Variants in FBXO34 observed in about 807,000 individuals in gnomAD.
FBXO34 encodes the protein F-box only protein 34.
FBXO34 carries 12 observed loss-of-function variants against 24.5 expected under a neutral mutation model. The ratio of observed to expected loss-of-function variants is 0.49; its 90% CI spans 0.31 to 0.79. FBXO34 has a LOEUF of 0.79. Among genes scored for constraint, FBXO34 ranks in the 30% least tolerant of loss-of-function variants. The pLI is 0.04. For missense variants in FBXO34, 823 were observed against 857.7 expected (o/e 0.96, Z 0.51); for synonymous variants, 320 against 311.9 (o/e 1.03, Z -0.27).
chr14:55,344,275 A>AT (rs1432451088), intron 1 of FBXO34, among the ~76,000 whole-genome samples: 6 of 151,888 alleles, frequency 4.0e-5, no homozygotes, highest in African/African-American at 1.5e-4. Context: ...AGTGGGCACA[A>AT]TTCTTTATTT....
Position 55,350,888 on chromosome 14 carries a change from G to A in FBXO34, c.498G>A (p.Arg166=), listed in dbSNP as rs182392127. ...AAAAAGCCAAGGTACAGGTGGAAAG[G>A]ATGAGGGAGGTTAACAGCAGGTGCT... The part of the protein sequence containing the change: ...DLKKAKVQVE[R]MREVNSRCYQ... Residue 166 remains arginine (R), a synonymous_variant, in exon 2 of 2, where the codon AGG becomes AGA. Coordinates refer to ENST00000313833, the MANE Select transcript of FBXO34 (RefSeq NM_017943.4). 5.6e-6 allele frequency: 9 copies of A among 1,613,972 alleles called. No homozygotes were observed. In the East Asian group the frequency reaches 1.8e-4, roughly 32 times the overall value.
chr14:55,367,222 T>G (rs1884699187), exon 3 of FBXO34: 2 of 152,182 alleles, frequency 1.3e-5, no homozygotes, highest in South Asian at 4.1e-4. Context: ...CTGAAGTCAG[T>G]CTCCACCACC....
the FBXO34 span, among the ~76,000 whole-genome samples, chr14:55,399,394 T>C: frequency 7.2e-5 from 11 of 152,224 alleles, no homozygotes; most frequent in African/African-American, 2.7e-4. Flanking sequence ...AAAGTTCTAC[T>C]GAATAGCACT....
At chr14:55,359,244 TTTCC>T (rs1340291873) in intron 3 of FBXO34, among the ~76,000 whole-genome samples, 3 of 152,052 alleles carry the variant, frequency 2.0e-5, no homozygotes, top group Non-Finnish European at 2.9e-5. Context: ...CAGTGCAAAA[TTTCC>T]TTCCTTCTCC....
At chr14:55,369,940 T>C (rs1440707824), downstream of FBXO34, 1 of 1,577,990 alleles carries the variant, frequency 6.3e-7, no homozygotes, top group Non-Finnish European at 8.6e-7. Flanking sequence ...GTGCAGACAA[T>C]GAGGGTCTCT....
At chr14:55,414,690 C>G in the FBXO34 span, among the ~76,000 whole-genome samples, 1 of 152,168 alleles carries the variant, frequency 6.6e-6, no homozygotes, top group Non-Finnish European at 1.5e-5. Flanking sequence ...CATCTTTGCT[C>G]ACACAGTGCT....
At chr14:55,312,094 G>A (rs1230168141) in intron 1 of FBXO34, among the ~76,000 whole-genome samples, 5 of 151,302 alleles carry the variant, frequency 3.3e-5, no homozygotes, top group Non-Finnish European at 7.4e-5. Flanking sequence ...CAGCTACTTG[G>A]GAGGCTGAGT....
At chr14:55,302,841 T>C (rs1444681732) in intron 1 of FBXO34, among the ~76,000 whole-genome samples, 1 of 152,166 alleles carries the variant, frequency 6.6e-6, no homozygotes, top group East Asian at 1.9e-4. Context: ...TAAAAACTAA[T>C]GTAAGTAGTT....
the FBXO34 span, among the ~76,000 whole-genome samples, chr14:55,383,006 C>A: frequency 7.2e-5 from 11 of 152,214 alleles, no homozygotes; most frequent in African/African-American, 2.7e-4. Context: ...TTTAAACTCT[C>A]TTTAATACTC....
At chr14:55,409,686 G>A in the FBXO34 span, among the ~76,000 whole-genome samples, 1 of 152,198 alleles carries the variant, frequency 6.6e-6, no homozygotes, top group African/African-American at 2.4e-5. Flanking sequence ...AGACAAGGAG[G>A]CCACAGTGGC....
intron 1 of FBXO34, among the ~76,000 whole-genome samples, chr14:55,333,483 G>A (rs1041300348): frequency 1.3e-5 from 2 of 152,134 alleles, no homozygotes; most frequent in South Asian, 2.1e-4. Flanking sequence ...TAGAACCAGG[G>A]AAGTGAGTTT....
chr14:55,326,457 G>A (rs1256022557), intron 1 of FBXO34, among the ~76,000 whole-genome samples: 3 of 152,206 alleles, frequency 2.0e-5, no homozygotes, highest in Non-Finnish European at 4.4e-5. Context: ...TGTGGGACAA[G>A]GTTGTTTGGG....
the FBXO34 span, among the ~76,000 whole-genome samples, chr14:55,416,453 G>C: frequency 6.6e-6 from 1 of 152,040 alleles, no homozygotes; most frequent in African/African-American, 2.4e-5. Context: ...AAAATAAAAA[G>C]AGAAAAAATA....
chr14:55,390,882 G>A, the FBXO34 span: 32 of 1,470,132 alleles, frequency 2.2e-5, no homozygotes, highest in Non-Finnish European at 2.8e-5. Flanking sequence ...CACTTTCTAG[G>A]GCTGGAAGGA....
intron 1 of FBXO34, among the ~76,000 whole-genome samples, chr14:55,321,705 G>A (rs1883139614): frequency 6.6e-6 from 1 of 152,150 alleles, no homozygotes; most frequent in African/African-American, 2.4e-5. Flanking sequence ...CCAGCTTGCA[G>A]TGTTTCTGAC....
chr14:55,320,760 T>A (rs371082763), intron 1 of FBXO34, among the ~76,000 whole-genome samples: 2 of 152,064 alleles, frequency 1.3e-5, no homozygotes, highest in Admixed American at 1.3e-4. Flanking sequence ...CCGTCTAAAA[T>A]ATATATATAA....
chr14:55,422,834 C>A, the FBXO34 span, among the ~76,000 whole-genome samples: 1 of 152,072 alleles, frequency 6.6e-6, no homozygotes, highest in Non-Finnish European at 1.5e-5. Context: ...GCCTGGGCAA[C>A]AGAGTGAGAC....
At chr14:55,354,033 C>T (rs969761939), downstream of FBXO34, among the ~76,000 whole-genome samples, 2 of 152,114 alleles carry the variant, frequency 1.3e-5, no homozygotes, top group African/African-American at 4.8e-5. Flanking sequence ...GCCTTGAGAC[C>T]AGTGTCGGCT....
At chr14:55,339,801 A>T (rs887437259) in intron 1 of FBXO34, among the ~76,000 whole-genome samples, 7 of 152,296 alleles carry the variant, frequency 4.6e-5, no homozygotes, top group African/African-American at 1.4e-4. Flanking sequence ...ACAAGTAGTA[A>T]TTCTAAACAG....
Sources: allele counts gnomAD v4.1 joint callset (sites outside exome capture counted in the v4.1 genomes callset), GRCh38; gene constraint gnomAD v4.1.1; transcripts MANE v1.5; gene names NCBI Gene and HGNC (gene_info 2026-07-23, HGNC 2026-07-21).